The following TET1 variants were observed in gnomAD, a reference collection of about 807,000 sequenced individuals.
TET1 encodes the protein tet methylcytosine dioxygenase 1, also known as methylcytosine dioxygenase TET1.
Under a neutral mutation model 148.7 loss-of-function variants are expected in TET1, and 13 were observed. The observed-to-expected ratio is 0.09, with a 90% confidence interval of 0.06 to 0.14. The LOEUF (loss-of-function observed/expected upper bound fraction) is 0.14, where lower values mean the gene tolerates loss of function less well. Ranked by LOEUF, TET1 falls within the 10% of genes least tolerant of loss-of-function variation. The pLI is 1.00. For missense variants in TET1, 2,182 were observed against 2,553.8 expected (o/e 0.85, Z 3.14); for synonymous variants, 907 against 937.2 (o/e 0.97, Z 0.59).
chr10:68,599,371 C>A (rs1330563961), intron 2 of TET1, among the ~76,000 whole-genome samples: 1 of 152,220 alleles, frequency 6.6e-6, no homozygotes, highest in Admixed American at 6.5e-5. Context: ...GGACTGTGAC[C>A]GCCCTCTACA....
At chr10:68,568,963 A>G (rs1443930304) in intron 1 of TET1, among the ~76,000 whole-genome samples, 1 of 152,160 alleles carries the variant, frequency 6.6e-6, no homozygotes, top group African/African-American at 2.4e-5. Context: ...GGGTTTGGGC[A>G]GTGTCCACCA....
chr10:68,637,863 C>T (rs1003762935), intron 3 of TET1, among the ~76,000 whole-genome samples: 9 of 147,684 alleles, frequency 6.1e-5, no homozygotes, highest in African/African-American at 2.3e-4. Context: ...AGTGAGACTC[C>T]GTCTCAAAAA....
intron 2 of TET1, among the ~76,000 whole-genome samples, chr10:68,577,326 C>A (rs1005137366): frequency 2.0e-5 from 3 of 152,054 alleles, no homozygotes; most frequent in African/African-American, 7.2e-5. Context: ...GGATTACAGG[C>A]GTGAGCCACC....
chr10:68,654,125 A>AAAAAAAAG (rs1564494274), intron 6 of TET1, among the ~76,000 whole-genome samples: 1 of 147,658 alleles, frequency 6.8e-6, no homozygotes, highest in Admixed American at 6.7e-5. Flanking sequence ...AAAAAAAAAA[A>AAAAAAAAG]GCATGGATTG....
At chr10:68,594,900 A>G (rs2053959973) in intron 2 of TET1, among the ~76,000 whole-genome samples, 1 of 150,592 alleles carries the variant, frequency 6.6e-6, no homozygotes, top group Non-Finnish European at 1.5e-5. Context: ...AATCCCTTGA[A>G]CCCGGGAGGC....
intron 3 of TET1, among the ~76,000 whole-genome samples, chr10:68,631,346 C>G (rs988338974): frequency 6.6e-6 from 1 of 150,830 alleles, no homozygotes; most frequent in African/African-American, 2.4e-5. Flanking sequence ...TGATTGCAGA[C>G]AATTATTTGG....
chr10:68,690,301 G>A (rs983448754), intron 11 of TET1, among the ~76,000 whole-genome samples: 4 of 152,070 alleles, frequency 2.6e-5, no homozygotes, highest in Non-Finnish European at 5.9e-5. Context: ...CTTTCCCAAA[G>A]GAAGAGTTCT....
At position 68,572,653 on chromosome 10, in the gene TET1, G is replaced by A. The variant is rs549434239; in HGVS notation, c.315G>A (p.Ala105=). The A allele has an allele frequency of 9.9e-6, 16 of 1,614,064 alleles. No homozygotes were observed. The highest frequency in any genetic ancestry group is 9.3e-5 in the African/African-American group (7 of 75,014). ...TAACCTGCAATGGGTTTACAATGGC[G>A]CTACGAAGCACCTCTCTTAGCAGGC... ...ESLTCNGFTM[A]LRSTSLSRRL... is the part of the protein sequence containing the mutation. Residue 105 remains alanine, a synonymous_variant, in exon 2 of 12, where the codon GCG becomes GCA. Transcript: ENST00000373644.
intron 11 of TET1, among the ~76,000 whole-genome samples, chr10:68,690,017 T>C (rs894538906): frequency 1.3e-5 from 2 of 152,206 alleles, no homozygotes; most frequent in African/African-American, 4.8e-5. Flanking sequence ...CCTTGGACTT[T>C]GCCAGTTAAG....
chr10:68,600,394 G>T (rs142717941), intron 2 of TET1, among the ~76,000 whole-genome samples: 1 of 152,146 alleles, frequency 6.6e-6, no homozygotes, highest in African/African-American at 2.4e-5. Context: ...ATTTCGGCGC[G>T]ACCAGATCCT....
At chr10:68,628,388 G>A (rs1236200735) in intron 3 of TET1, among the ~76,000 whole-genome samples, 1 of 152,214 alleles carries the variant, frequency 6.6e-6, no homozygotes, top group Non-Finnish European at 1.5e-5. Flanking sequence ...CTTAATAAGA[G>A]TTTTCTACAT....
intron 11 of TET1, among the ~76,000 whole-genome samples, chr10:68,687,606 A>G (rs1015408384): frequency 1.3e-5 from 2 of 152,054 alleles, no homozygotes; most frequent in African/African-American, 2.4e-5. Context: ...TTGTGGAGAC[A>G]AGATCTAGCT....
At chr10:68,613,158 T>C (rs924604532) in intron 3 of TET1, among the ~76,000 whole-genome samples, 1 of 152,250 alleles carries the variant, frequency 6.6e-6, no homozygotes, top group African/African-American at 2.4e-5. Flanking sequence ...CCAGCGTTGA[T>C]AGTCTCTGTA....
intron 7 of TET1, among the ~76,000 whole-genome samples, chr10:68,669,695 G>C (rs2055247014): frequency 1.3e-5 from 2 of 151,034 alleles, no homozygotes; most frequent in Admixed American, 1.3e-4. Flanking sequence ...TGTCGCCCAG[G>C]CTGGAGTGCA....
chr10:68,662,507 A>G (rs530656159), intron 6 of TET1, among the ~76,000 whole-genome samples: 98 of 147,406 alleles, frequency 6.6e-4, no homozygotes, highest in African/African-American at 2.4e-3. Context: ...CCATGAATTC[A>G]CTCTTCATAG....
chr10:68,677,471 A>C (rs2055377170), intron 8 of TET1, among the ~76,000 whole-genome samples: 1 of 152,226 alleles, frequency 6.6e-6, no homozygotes, highest in African/African-American at 2.4e-5. Context: ...AATGGATTAA[A>C]TGTCCAATAT....
chr10:68,614,231 T>C (rs1165781383), intron 3 of TET1, among the ~76,000 whole-genome samples: 1 of 152,174 alleles, frequency 6.6e-6, no homozygotes, highest in African/African-American at 2.4e-5. Flanking sequence ...TTGGGCCACA[T>C]TTTCTAAGAT....
intron 6 of TET1, among the ~76,000 whole-genome samples, chr10:68,661,625 A>G (rs2055116466): frequency 6.6e-6 from 1 of 151,670 alleles, no homozygotes; most frequent in African/African-American, 2.4e-5. Context: ...CTGAAACCAT[A>G]GGCACTCACC....
chr10:68,649,541 G>A (rs1422680011), intron 4 of TET1, among the ~76,000 whole-genome samples: 1 of 149,498 alleles, frequency 6.7e-6, no homozygotes, highest in Non-Finnish European at 1.5e-5. Context: ...GGGAGGCAGA[G>A]CTTGTAGTGA....
Sources: gnomAD v4.1 joint callset for allele counts (sites outside exome capture counted in the v4.1 genomes callset) on GRCh38, gnomAD v4.1.1 for gene constraint, MANE v1.5 for transcripts, NCBI Gene and HGNC (gene_info 2026-07-23, HGNC 2026-07-21) for gene names.